KCNQ3: variants seen among roughly 807,000 people sequenced by gnomAD.
KCNQ3 encodes potassium voltage-gated channel subfamily Q member 3.
A neutral mutation model predicts 92.5 loss-of-function variants in KCNQ3; 30 were observed. That is an observed-to-expected ratio of 0.32 (90% CI 0.24 to 0.44). KCNQ3 has a LOEUF of 0.44. Ranked by LOEUF, KCNQ3 falls within the 20% of genes least tolerant of loss-of-function variation. The probability of loss-of-function intolerance (pLI) is 1.00; values close to 1 mark genes in which losing one functional copy is unlikely to be tolerated. For missense variants in KCNQ3, 913 were observed against 1,140.3 expected, an observed-to-expected ratio of 0.80 and a Z score of 2.87; for synonymous variants, 450 against 468.8, an observed-to-expected ratio of 0.96 and a Z score of 0.52.
chr8:132,173,934 A>G (rs1826464360), intron 6 of KCNQ3, among the ~76,000 whole-genome samples: 1 of 152,216 alleles, frequency 6.6e-6, no homozygotes, highest in South Asian at 2.1e-4. Flanking sequence ...CAGATCTAGA[A>G]ATGTGTAATC....
At chr8:132,290,614 T>C (rs1816810697) in intron 1 of KCNQ3, among the ~76,000 whole-genome samples, 1 of 152,062 alleles carries the variant, frequency 6.6e-6, no homozygotes, top group African/African-American at 2.4e-5. Flanking sequence ...TCAGGAAATA[T>C]ATGAAGATAG....
intron 1 of KCNQ3, among the ~76,000 whole-genome samples, chr8:132,433,251 C>T (rs551592259): frequency 2.2e-4 from 34 of 152,130 alleles, no homozygotes; most frequent in Non-Finnish European, 4.4e-4. Context: ...ATCATTAGCC[C>T]CTCCCAGTTC....
At chr8:132,444,970 A>G (rs529930966) in intron 1 of KCNQ3, among the ~76,000 whole-genome samples, 1 of 152,348 alleles carries the variant, frequency 6.6e-6, no homozygotes, top group African/African-American at 2.4e-5. Flanking sequence ...AGTTGGTGAG[A>G]AAGTATAAGG....
At chr8:132,347,735 TG>T (rs1182979742) in intron 1 of KCNQ3, among the ~76,000 whole-genome samples, 1 of 152,116 alleles carries the variant, frequency 6.6e-6, no homozygotes, top group Non-Finnish European at 1.5e-5. Flanking sequence ...CCCAGCATTT[TG>T]GGAGGCCGAG....
rs367564909 is a variant in KCNQ3 at position 132,461,745 on chromosome 8, T to A, written c.386+18402A>T. On this transcript the variant is annotated intron_variant, in intron 1 of 14. Coordinates refer to ENST00000388996, the MANE Select transcript of KCNQ3 (RefSeq NM_004519.4). Reference sequence around the variant, plus strand: ...CAAATAGGTGTGTAGTGATATCTCATTGTTGTTTTAATTTACAATTCCCTA... The same window carrying A: ...CAAATAGGTGTGTAGTGATATCTCAATGTTGTTTTAATTTACAATTCCCTA... Among the ~76,000 whole-genome samples the A allele has an allele frequency of 4.6e-5, 7 of 152,334 alleles. No homozygotes were observed. In the East Asian group the frequency reaches 1.4e-3, roughly 29 times the overall value.
chr8:132,424,455 G>A (rs1821054739), intron 1 of KCNQ3, among the ~76,000 whole-genome samples: 1 of 152,172 alleles, frequency 6.6e-6, no homozygotes, highest in Admixed American at 6.5e-5. Context: ...GAGGCCCAGA[G>A]AGCAAAATAG....
At chr8:132,138,367 T>C (rs751332489) in intron 11 of KCNQ3, among the ~76,000 whole-genome samples, 2 of 152,208 alleles carry the variant, frequency 1.3e-5, no homozygotes, top group Non-Finnish European at 2.9e-5. Flanking sequence ...GATTTGAACC[T>C]TCAGCATCAT....
At chr8:132,132,113 A>C (rs1824904189) in intron 14 of KCNQ3, 67 bp downstream of exon 14, 1 of 1,109,080 alleles carries the variant, frequency 9.0e-7, no homozygotes, top group Admixed American at 1.8e-5. Flanking sequence ...AGAAAGAAAA[A>C]AAAGAAATGG....
intron 1 of KCNQ3, among the ~76,000 whole-genome samples, chr8:132,479,734 C>T (rs948261279): frequency 6.6e-6 from 1 of 151,082 alleles, no homozygotes; most frequent in African/African-American, 2.4e-5. Flanking sequence ...GGGATCCACC[C>T]GAAACAGAAA....
chr8:132,218,614 C>T (rs534426397), intron 1 of KCNQ3, among the ~76,000 whole-genome samples: 1 of 152,264 alleles, frequency 6.6e-6, no homozygotes, highest in South Asian at 2.1e-4. Flanking sequence ...GTGAGAAAAA[C>T]TAGAAGTAGG....
intron 1 of KCNQ3, among the ~76,000 whole-genome samples, chr8:132,416,404 G>A (rs1563903245): frequency 6.6e-6 from 1 of 152,090 alleles, no homozygotes; most frequent in Non-Finnish European, 1.5e-5. Flanking sequence ...GAGGCGGGTG[G>A]ATCACCTGAG....
At chr8:132,149,231 T>C (rs1276901723) in intron 9 of KCNQ3, among the ~76,000 whole-genome samples, 1 of 152,202 alleles carries the variant, frequency 6.6e-6, no homozygotes, top group East Asian at 1.9e-4. Context: ...AACAGGCCTG[T>C]GCACTGGGAG....
At chr8:132,371,655 T>C (rs940543979) in intron 1 of KCNQ3, among the ~76,000 whole-genome samples, 3 of 152,196 alleles carry the variant, frequency 2.0e-5, no homozygotes, top group Admixed American at 2.0e-4. Flanking sequence ...GGGAAGGCGA[T>C]CCTTGTCTTT....
At chr8:132,422,160 G>A (rs1377341308) in intron 1 of KCNQ3, among the ~76,000 whole-genome samples, 1 of 152,156 alleles carries the variant, frequency 6.6e-6, no homozygotes, top group Non-Finnish European at 1.5e-5. Context: ...GCTCATTCCA[G>A]GATCGCCCTT....
chr8:132,200,039 T>C (rs568852627), intron 1 of KCNQ3, among the ~76,000 whole-genome samples: 4 of 152,256 alleles, frequency 2.6e-5, no homozygotes, highest in Admixed American at 1.3e-4. Context: ...TACCCCAAAA[T>C]TGACTTAATA....
chr8:132,270,073 G>A (rs770189535), intron 1 of KCNQ3, among the ~76,000 whole-genome samples: 6 of 151,608 alleles, frequency 4.0e-5, no homozygotes, highest in Non-Finnish European at 5.9e-5. Flanking sequence ...TAACCTTCCC[G>A]CTTTCTTATT....
chr8:132,153,736 C>CCG (rs1331188388), intron 9 of KCNQ3, among the ~76,000 whole-genome samples: 1 of 30,082 alleles, frequency 3.3e-5, no homozygotes, highest in East Asian at 7.3e-4. Context: ...CCCCGCAAGC[C>CCG]CCCCCCCCAT....
rs1286145817 is a variant in KCNQ3 at position 132,475,961 on chromosome 8, C to T, written c.386+4186G>A. Among the ~76,000 whole-genome samples, 3 of 152,232 alleles carry T rather than the reference C, an allele frequency of 2.0e-5. No individual in the cohort carries two copies. The East Asian group carries it at 5.8e-4, about 29-fold the overall frequency. On this transcript the variant is annotated intron_variant, in intron 1 of 14. Coordinates refer to ENST00000388996, the MANE Select transcript of KCNQ3 (RefSeq NM_004519.4). ...CTGGGCCAGGCCCAGGGCCCCACTGCTCTGTGAAGCTGCTGGACTTGGTGC... is the reference window on the plus strand; with the variant it reads ...CTGGGCCAGGCCCAGGGCCCCACTGTTCTGTGAAGCTGCTGGACTTGGTGC...
At chr8:132,223,132 AT>A (rs2130344945) in intron 1 of KCNQ3, among the ~76,000 whole-genome samples, 1 of 152,340 alleles carries the variant, frequency 6.6e-6, no homozygotes, top group East Asian at 1.9e-4. Context: ...ACAGAGAATA[AT>A]GACTAATTTC....
Sources: gnomAD v4.1 joint callset for allele counts (sites outside exome capture counted in the v4.1 genomes callset) on GRCh38, gnomAD v4.1.1 for gene constraint, MANE v1.5 for transcripts, NCBI Gene and HGNC (gene_info 2026-07-23, HGNC 2026-07-21) for gene names.